Variants in SCN2A observed in about 807,000 individuals in gnomAD.
SCN2A encodes sodium channel protein type 2 subunit alpha.
Under a neutral mutation model 188.7 loss-of-function variants are expected in SCN2A, and 20 were observed. The ratio of observed to expected loss-of-function variants is 0.11; its 90% CI spans 0.07 to 0.15. The LOEUF is 0.15. Among genes scored for constraint, SCN2A ranks in the 10% least tolerant of loss-of-function variants. The probability of loss-of-function intolerance (pLI) is 1.00; values close to 1 mark genes in which losing one functional copy is unlikely to be tolerated. For synonymous variants in SCN2A, 804 were observed against 833.1 expected (o/e 0.97, Z 0.60); for missense variants, 1,278 against 2,445.0 (o/e 0.52, Z 10.07).
intron 11 of SCN2A, among the ~76,000 whole-genome samples, chr2:165,321,251 T>G (rs1179889783): frequency 3.3e-5 from 5 of 152,202 alleles, no homozygotes; most frequent in Admixed American, 2.0e-4. Flanking sequence ...AGAGACCACT[T>G]TAGCCTGGAC....
intron 1 of SCN2A, among the ~76,000 whole-genome samples, chr2:165,289,645 A>G (rs1485517206): frequency 6.6e-6 from 1 of 152,136 alleles, no homozygotes; most frequent in African/African-American, 2.4e-5. Flanking sequence ...AGAAAAACCA[A>G]TGTATGATTT....
intron 19 of SCN2A, among the ~76,000 whole-genome samples, chr2:165,367,755 C>T (rs532563944): frequency 4.6e-5 from 7 of 152,276 alleles, no homozygotes; most frequent in East Asian, 1.9e-4. Context: ...GCATGGGTGC[C>T]GGTAGGAGCG....
intron 20 of SCN2A, chr2:165,372,362 A>G (rs1157888849): frequency 6.6e-6 from 1 of 152,126 alleles, no homozygotes; most frequent in East Asian, 1.9e-4. Context: ...CTTAAAAAAT[A>G]TATTTTTCAA....
intron 1 of SCN2A, among the ~76,000 whole-genome samples, chr2:165,291,604 T>C: frequency 6.9e-6 from 1 of 144,756 alleles, no homozygotes; most frequent in African/African-American, 2.6e-5. Context: ...TCTCTCTTTC[T>C]TTCTTTGTCT....
At chr2:165,257,713 AT>A (rs1694390411) in intron 1 of SCN2A, among the ~76,000 whole-genome samples, 1 of 151,736 alleles carries the variant, frequency 6.6e-6, no homozygotes, top group South Asian at 2.1e-4. Flanking sequence ...TAATTTCTAT[AT>A]TTTTATAGAG....
At chr2:165,252,261 T>C (rs6736704) in intron 1 of SCN2A, among the ~76,000 whole-genome samples, 22,554 of 152,034 alleles carry the variant, frequency 0.15, 1,745 homozygotes, top group South Asian at 0.23. Context: ...TTAATAAGCA[T>C]CTTAATACTT....
chr2:165,259,820 T>G (rs1694492106), intron 1 of SCN2A, among the ~76,000 whole-genome samples: 1 of 152,208 alleles, frequency 6.6e-6, no homozygotes, highest in South Asian at 2.1e-4. Context: ...GAATCATTTA[T>G]GTTCTTAATG....
At chr2:165,303,720 T>C (rs1232955032) in intron 3 of SCN2A, among the ~76,000 whole-genome samples, 2 of 152,182 alleles carry the variant, frequency 1.3e-5, no homozygotes, top group Non-Finnish European at 2.9e-5. Flanking sequence ...GAGATACCTA[T>C]CAAACCACAA....
At chr2:165,268,940 C>G (rs569538116) in intron 1 of SCN2A, 1 of 152,072 alleles carries the variant, frequency 6.6e-6, no homozygotes, top group East Asian at 1.9e-4. Context: ...CTAAAAATGT[C>G]AAACTCACAG....
intron 14 of SCN2A, among the ~76,000 whole-genome samples, chr2:165,338,183 A>T (rs1699101430): frequency 1.3e-5 from 2 of 151,756 alleles, no homozygotes; most frequent in Non-Finnish European, 2.9e-5. Context: ...GCTGTGGTAA[A>T]TTTTTTAAAA....
rs1701894679 is a variant in SCN2A, at chr2:165,386,726, T to C, written c.4552-20T>C. ...TTTTTTAAGGTTTCTAATGGAACTT[T>C]TACATATTATTTGTTCCAGAACAAA... On this transcript the variant is annotated intron_variant, in intron 25 of 26. Coordinates refer to ENST00000375437, the MANE Select transcript of SCN2A (RefSeq NM_001040142.2). The C allele has an allele frequency of 1.2e-6, 2 of 1,608,866 alleles. No homozygotes were observed. The highest frequency in any genetic ancestry group is 1.7e-6 in the Non-Finnish European group (2 of 1,176,034).
At chr2:165,385,559 A>C (rs551203112) in intron 25 of SCN2A, among the ~76,000 whole-genome samples, 1 of 152,304 alleles carries the variant, frequency 6.6e-6, no homozygotes, top group Admixed American at 6.5e-5. Context: ...TACTCTAATG[A>C]ATCTATACAC....
chr2:165,290,873 C>T (rs1211687684), intron 1 of SCN2A: 1 of 774,960 alleles, frequency 1.3e-6, no homozygotes, highest in Non-Finnish European at 1.6e-6. Context: ...GATAATGTTA[C>T]TTTCCAAAAG....
intron 18 of SCN2A, 142 bp downstream of exon 18, chr2:165,365,405 C>A: frequency 1.2e-6 from 1 of 806,414 alleles, no homozygotes; most frequent in Non-Finnish European, 1.9e-6. Context: ...ATCTAGTAAT[C>A]ATCTATACCT....
At chr2:165,270,105 A>G (rs1275515150) in intron 1 of SCN2A, 1 of 152,028 alleles carries the variant, frequency 6.6e-6, no homozygotes, top group African/African-American at 2.4e-5. Context: ...TTGATTTCAC[A>G]GCTTAACAAT....
rs757170656 is a variant in SCN2A at position 165,295,802 on chromosome 2, A to T, written c.-22A>T. 4 of 1,613,816 alleles carry T rather than the reference A, an allele frequency of 2.5e-6. No homozygotes were observed. The highest frequency in any genetic ancestry group is 2.5e-6 in the Non-Finnish European group (3 of 1,180,010). ...TTCTTATGCAAGGAGCTAAACAGTGATTAAAGGAGCAGGATGAAAAGATGG... is the reference window on the plus strand; with the variant it reads ...TTCTTATGCAAGGAGCTAAACAGTGTTTAAAGGAGCAGGATGAAAAGATGG... On this transcript the variant is annotated 5_prime_UTR_variant, in exon 2 of 27. The change abolishes the stop of an existing upstream ORF in the 5' untranslated region. Transcript: ENST00000375437.
chr2:165,329,552 G>A (rs1276303949), intron 13 of SCN2A, among the ~76,000 whole-genome samples: 3 of 152,034 alleles, frequency 2.0e-5, no homozygotes, highest in African/African-American at 7.3e-5. Flanking sequence ...TATTCCTACT[G>A]TCAAGATGAG....
intron 11 of SCN2A, among the ~76,000 whole-genome samples, chr2:165,317,763 A>G (rs1697839453): frequency 6.6e-6 from 1 of 152,172 alleles, no homozygotes; most frequent in African/African-American, 2.4e-5. Context: ...CTGACTTAGA[A>G]GACATGGCAT....
chr2:165,313,842 A>T (rs1697575781), intron 9 of SCN2A, 60 bp from the exon 10 acceptor site: 1 of 1,611,080 alleles, frequency 6.2e-7, no homozygotes, highest in Non-Finnish European at 8.5e-7. Flanking sequence ...TTTATTACTT[A>T]GAGTGTAAGT....
Sources: allele counts gnomAD v4.1 joint callset (sites outside exome capture counted in the v4.1 genomes callset), GRCh38; gene constraint gnomAD v4.1.1; transcripts MANE v1.5; gene names NCBI Gene and HGNC (gene_info 2026-07-23, HGNC 2026-07-21).